Variants in PPARGC1A observed in about 807,000 individuals in gnomAD.
PPARGC1A encodes the protein peroxisome proliferator-activated receptor gamma coactivator 1-alpha.
PPARGC1A carries 25 observed loss-of-function variants against 88.7 expected under a neutral mutation model. That is an observed-to-expected ratio of 0.28 (90% CI 0.21 to 0.39). PPARGC1A has a LOEUF of 0.39. Ranked by LOEUF, PPARGC1A falls within the 10% of genes least tolerant of loss-of-function variation. The pLI is 1.00. For missense variants in PPARGC1A, 880 were observed against 968.7 expected, an observed-to-expected ratio of 0.91 and a Z score of 1.22; for synonymous variants, 363 against 355.6, an observed-to-expected ratio of 1.02 and a Z score of -0.24.
At chr4:24,436,735 G>A in the PPARGC1A span, among the ~76,000 whole-genome samples, 9 of 130,334 alleles carry the variant, frequency 6.9e-5, no homozygotes, top group South Asian at 2.5e-4. Flanking sequence ...GGCCACCCCA[G>A]AGCCCGGGTC....
the PPARGC1A span, among the ~76,000 whole-genome samples, chr4:24,071,008 G>C: frequency 6.6e-6 from 1 of 152,122 alleles, no homozygotes; most frequent in African/African-American, 2.4e-5. Flanking sequence ...CCCTTGTCTA[G>C]GCCAATTATG....
rs563873483 is a variant in PPARGC1A, at chr4:23,846,937, G to A, written c.235-15186C>T. ...TTTTTCTTAGAAAAGGTTTCATACT[G>A]GGATAAAGGTTTTCTTCTGACTCTT... On this transcript the variant is annotated intron_variant, in intron 2 of 12. Coordinates refer to ENST00000264867, the MANE Select transcript of PPARGC1A (RefSeq NM_013261.5). Among the ~76,000 whole-genome samples, 19 of 152,204 alleles carry A rather than the reference G, an allele frequency of 1.2e-4. No homozygotes were observed. In the East Asian group the frequency reaches 3.7e-3, roughly 29 times the overall value.
chr4:24,016,768 A>G, the PPARGC1A span, among the ~76,000 whole-genome samples: 1 of 152,212 alleles, frequency 6.6e-6, no homozygotes, highest in Non-Finnish European at 1.5e-5. Context: ...GACAATGAAT[A>G]ACACACCTGA....
the PPARGC1A span, among the ~76,000 whole-genome samples, chr4:24,096,453 G>A: frequency 6.6e-6 from 1 of 152,158 alleles, no homozygotes; most frequent in Non-Finnish European, 1.5e-5. Flanking sequence ...AGAACTGTGA[G>A]ACAATACATT....
At chr4:24,037,348 A>T in the PPARGC1A span, among the ~76,000 whole-genome samples, 2 of 152,164 alleles carry the variant, frequency 1.3e-5, no homozygotes, top group African/African-American at 4.8e-5. Flanking sequence ...GAGAAAAATG[A>T]TGAAGGCTAA....
At chr4:24,149,944 CT>C in the PPARGC1A span, among the ~76,000 whole-genome samples, 2 of 152,206 alleles carry the variant, frequency 1.3e-5, no homozygotes, top group Non-Finnish European at 2.9e-5. Flanking sequence ...AAACAACTAT[CT>C]TTCCAAAACC....
the PPARGC1A span, among the ~76,000 whole-genome samples, chr4:24,053,729 G>A: frequency 6.6e-6 from 1 of 152,178 alleles, no homozygotes; most frequent in East Asian, 1.9e-4. Flanking sequence ...TTTGTAGTAT[G>A]GGGATCAAGC....
At chr4:24,119,652 G>A in the PPARGC1A span, among the ~76,000 whole-genome samples, 19 of 140,546 alleles carry the variant, frequency 1.4e-4, no homozygotes, top group East Asian at 6.7e-4. Context: ...ATAAATTAAC[G>A]ATTGGAGGAT....
intron 3 of PPARGC1A, among the ~76,000 whole-genome samples, chr4:23,830,241 A>C (rs1304682121): frequency 6.6e-6 from 1 of 152,232 alleles, no homozygotes; most frequent in Admixed American, 6.5e-5. Context: ...TGATTTTAGA[A>C]AAGAAAAAAA....
chr4:23,869,130 C>T (rs1028831662), intron 2 of PPARGC1A, among the ~76,000 whole-genome samples: 2 of 152,124 alleles, frequency 1.3e-5, no homozygotes, highest in Non-Finnish European at 2.9e-5. Context: ...CAGGGACCAT[C>T]CAGTGGTTCA....
chr4:24,316,337 A>G, the PPARGC1A span, among the ~76,000 whole-genome samples: 2 of 152,328 alleles, frequency 1.3e-5, no homozygotes, highest in South Asian at 2.1e-4. Context: ...TAGGGTCCAC[A>G]TCAAGATTCT....
the PPARGC1A span, among the ~76,000 whole-genome samples, chr4:24,224,584 C>T: frequency 1.7e-3 from 258 of 152,226 alleles, no homozygotes; most frequent in African/African-American, 5.1e-3. Context: ...ATGTCTTATA[C>T]GGCAGGCAAT....
At chr4:24,380,194 G>A in the PPARGC1A span, among the ~76,000 whole-genome samples, 7 of 152,264 alleles carry the variant, frequency 4.6e-5, no homozygotes, top group East Asian at 1.3e-3. Flanking sequence ...TTTGAGAGCT[G>A]AGAGCACAGT....
At chr4:24,281,059 C>T in the PPARGC1A span, among the ~76,000 whole-genome samples, 1 of 152,170 alleles carries the variant, frequency 6.6e-6, no homozygotes, top group South Asian at 2.1e-4. Flanking sequence ...TCAAAGGATA[C>T]ATCTATCCCA....
the PPARGC1A span, among the ~76,000 whole-genome samples, chr4:24,037,008 A>G: frequency 6.6e-6 from 1 of 152,240 alleles, no homozygotes; most frequent in Non-Finnish European, 1.5e-5. Context: ...TCAAGAGCTT[A>G]AATGTGTTAT....
chr4:24,021,724 C>T, the PPARGC1A span, among the ~76,000 whole-genome samples: 2 of 152,216 alleles, frequency 1.3e-5, no homozygotes, highest in African/African-American at 4.8e-5. Context: ...AACTGTCCTA[C>T]CTTAAAGCAT....
chr4:23,873,284 G>C (rs1035769956), intron 2 of PPARGC1A, among the ~76,000 whole-genome samples: 6 of 151,850 alleles, frequency 4.0e-5, no homozygotes, highest in African/African-American at 1.5e-4. Context: ...AAAAGTGTTG[G>C]TAATAATCCC....
At chr4:24,029,525 A>C in the PPARGC1A span, among the ~76,000 whole-genome samples, 1 of 152,142 alleles carries the variant, frequency 6.6e-6, no homozygotes, top group Admixed American at 6.5e-5. Context: ...TGTGGTAAAA[A>C]TCATCTCGGA....
At chr4:23,898,974 T>G (rs1373839149) in intron 1 of PPARGC1A, among the ~76,000 whole-genome samples, 1 of 152,034 alleles carries the variant, frequency 6.6e-6, no homozygotes, top group African/African-American at 2.4e-5. Context: ...TAGCTGGGAT[T>G]ACAGGCGAGC....
Sources: allele counts gnomAD v4.1 joint callset (sites outside exome capture counted in the v4.1 genomes callset), GRCh38; gene constraint gnomAD v4.1.1; transcripts MANE v1.5; gene names NCBI Gene and HGNC (gene_info 2026-07-23, HGNC 2026-07-21).